RNF130: variants seen among roughly 807,000 people sequenced by gnomAD.
RNF130 encodes ring finger protein 130, also known as E3 ubiquitin-protein ligase RNF130.
RNF130 carries 21 observed loss-of-function variants against 44.6 expected under a neutral mutation model. The ratio of observed to expected loss-of-function variants is 0.47; its 90% CI spans 0.33 to 0.68. RNF130 has a LOEUF of 0.68. RNF130 is among the 30% of genes least tolerant of loss of function. The probability of loss-of-function intolerance (pLI) is 0.02; values close to 1 mark genes in which losing one functional copy is unlikely to be tolerated. For missense variants in RNF130, 479 were observed against 560.6 expected, an observed-to-expected ratio of 0.85 and a Z score of 1.47; for synonymous variants, 214 against 210.4, an observed-to-expected ratio of 1.02 and a Z score of -0.15.
intron 3 of RNF130, among the ~76,000 whole-genome samples, chr5:179,986,365 A>T (rs905593197): frequency 6.6e-6 from 1 of 152,218 alleles, no homozygotes; most frequent in African/African-American, 2.4e-5. Flanking sequence ...TAACGTCATG[A>T]CTTCTCTCCG....
chr5:179,983,707 G>T (rs1307207865), intron 3 of RNF130, among the ~76,000 whole-genome samples: 1 of 152,156 alleles, frequency 6.6e-6, no homozygotes, highest in Non-Finnish European at 1.5e-5. Context: ...AGATTGTGCT[G>T]AATGTATACA....
At chr5:180,012,492 T>G (rs1458320263) in intron 3 of RNF130, among the ~76,000 whole-genome samples, 1 of 152,100 alleles carries the variant, frequency 6.6e-6, no homozygotes, top group East Asian at 1.9e-4. Context: ...TTTCCTAGGT[T>G]TATTCACTCA....
exon 8 of RNF130, chr5:179,918,352 T>C (rs1437212808): frequency 6.6e-6 from 1 of 152,224 alleles, no homozygotes; most frequent in Admixed American, 6.5e-5. Context: ...GAAACTGTCT[T>C]GAGTGGAATT....
intron 2 of RNF130, among the ~76,000 whole-genome samples, chr5:180,013,531 G>A (rs1763641396): frequency 6.6e-6 from 1 of 152,106 alleles, no homozygotes; most frequent in Non-Finnish European, 1.5e-5. Flanking sequence ...CAGACATAAG[G>A]CATAGAACGA....
chr5:179,935,515 C>CGTGTGTGT (rs34977597), intron 7 of RNF130, among the ~76,000 whole-genome samples: 2 of 150,626 alleles, frequency 1.3e-5, no homozygotes, highest in African/African-American at 4.9e-5. Flanking sequence ...TATGTCAGCA[C>CGTGTGTGT]GTGTGTGTGT....
intron 1 of RNF130, among the ~76,000 whole-genome samples, chr5:180,066,691 G>C (rs1041340340): frequency 1.3e-5 from 2 of 152,020 alleles, no homozygotes; most frequent in African/African-American, 2.4e-5. Context: ...CAAAAAATTA[G>C]CCGTGCTTGG....
chr5:180,045,370 C>A (rs1764534888), intron 1 of RNF130, among the ~76,000 whole-genome samples: 1 of 152,162 alleles, frequency 6.6e-6, no homozygotes, highest in Non-Finnish European at 1.5e-5. Flanking sequence ...TTTCTTCTTA[C>A]TGGTGGGTTC....
At chr5:179,949,216 T>C (rs935423768) in intron 7 of RNF130, among the ~76,000 whole-genome samples, 4 of 152,050 alleles carry the variant, frequency 2.6e-5, no homozygotes, top group Non-Finnish European at 4.4e-5. Context: ...CTGCCTGCCT[T>C]GGCCTCCCAA....
intron 1 of RNF130, among the ~76,000 whole-genome samples, chr5:180,070,577 G>A (rs1765228982): frequency 6.6e-6 from 1 of 152,158 alleles, no homozygotes; most frequent in African/African-American, 2.4e-5. Flanking sequence ...TCCCCTCTCA[G>A]CATTCTCAGG....
chr5:179,934,578 ACT>A (rs752425177), intron 7 of RNF130, among the ~76,000 whole-genome samples: 25 of 133,192 alleles, frequency 1.9e-4, no homozygotes, highest in Admixed American at 4.2e-4. Flanking sequence ...ACAGGGTCTG[ACT>A]CTGTTGCCCA....
At chr5:179,971,824 G>C (rs1360855108) in intron 5 of RNF130, among the ~76,000 whole-genome samples, 1 of 152,144 alleles carries the variant, frequency 6.6e-6, no homozygotes, top group Admixed American at 6.5e-5. Flanking sequence ...GTTTCTACTG[G>C]GATCTGGAAC....
intron 7 of RNF130, among the ~76,000 whole-genome samples, chr5:179,924,666 G>A (rs1420719096): frequency 5.9e-5 from 9 of 152,124 alleles, no homozygotes. Flanking sequence ...GCGGGTGCCT[G>A]TAATCCCAGC....
chr5:180,036,086 T>C (rs902965222), intron 2 of RNF130, among the ~76,000 whole-genome samples: 2 of 152,246 alleles, frequency 1.3e-5, no homozygotes, highest in African/African-American at 2.4e-5. Flanking sequence ...ATATTTTGCA[T>C]GTCTTATAAT....
intron 2 of RNF130, among the ~76,000 whole-genome samples, chr5:180,033,097 C>T (rs1276768461): frequency 6.6e-6 from 1 of 152,108 alleles, no homozygotes; most frequent in East Asian, 1.9e-4. Flanking sequence ...CTTCAGCCTC[C>T]CGAGTAGCTG....
In RNF130 at chr5:180,032,531, C is replaced by T. The variant is rs553971823; in HGVS notation, c.442+7922G>A. On this transcript the variant is annotated intron_variant, in intron 2 of 8. Transcript: ENST00000521389. ...TAATTACAGCATGAGCCACGAGGCCCGGCTTCTTTTTTTAAATTTGCATGT... is the reference window on the plus strand; with the variant it reads ...TAATTACAGCATGAGCCACGAGGCCTGGCTTCTTTTTTTAAATTTGCATGT... 6.5e-4 allele frequency among the ~76,000 whole-genome samples: 99 copies of T among 152,200 alleles called. 1 individual carries two copies. Among genetic ancestry groups the T allele is most frequent in the African/African-American group, 2.1e-3 (88 of 41,508 alleles).
At chr5:180,027,288 C>G (rs779928590) in intron 2 of RNF130, among the ~76,000 whole-genome samples, 8 of 152,068 alleles carry the variant, frequency 5.3e-5, no homozygotes, top group Non-Finnish European at 1.0e-4. Flanking sequence ...ACAGCACTGC[C>G]CTACAGGGTG....
intron 7 of RNF130, chr5:179,939,313 A>G (rs546160546): frequency 6.4e-6 from 1 of 155,612 alleles, no homozygotes; most frequent in East Asian, 1.9e-4. Flanking sequence ...CCTAACAATA[A>G]ACTCAAAAGT....
At chr5:179,963,811 GT>G in intron 7 of RNF130, 1 of 507,896 alleles carries the variant, frequency 2.0e-6, no homozygotes, top group Admixed American at 3.3e-5. Flanking sequence ...AGGTCCTGAG[GT>G]CTGTGAGGAG....
chr5:179,978,232 C>T lies in RNF130; in HGVS notation c.819G>A (p.Gln273=). ...AGGGGAGAATTCGGACGACATCATT[C>T]TGCTTATAGCTCTCTATGCAGACTG... The part of the protein sequence containing the change: ...HCAVCIESYK[Q]NDVVRILPCK... The change falls in exon 5 of 9, where the codon CAG becomes CAA. Residue 273 remains glutamine (Q), a synonymous_variant. Transcript: ENST00000521389. The T allele has an allele frequency of 1.2e-6, 2 of 1,614,058 alleles. No homozygotes were observed.
Sources: gnomAD v4.1 joint callset for allele counts (sites outside exome capture counted in the v4.1 genomes callset) on GRCh38, gnomAD v4.1.1 for gene constraint, MANE v1.5 for transcripts, NCBI Gene and HGNC (gene_info 2026-07-23, HGNC 2026-07-21) for gene names.